LINGO2: variants seen among roughly 807,000 people sequenced by gnomAD.
The protein encoded by LINGO2 is leucine-rich repeat and immunoglobulin-like domain-containing nogo receptor-interacting protein 2.
Under a neutral mutation model 30.6 loss-of-function variants are expected in LINGO2, and 14 were observed. The ratio of observed to expected loss-of-function variants is 0.46; its 90% CI spans 0.30 to 0.72. The LOEUF (loss-of-function observed/expected upper bound fraction) is 0.72, where lower values mean the gene tolerates loss of function less well. Ranked by LOEUF, LINGO2 falls within the 30% of genes least tolerant of loss-of-function variation. The probability of loss-of-function intolerance (pLI) is 0.07; values close to 1 mark genes in which losing one functional copy is unlikely to be tolerated. For missense variants in LINGO2, 729 were observed against 751.7 expected, an observed-to-expected ratio of 0.97 and a Z score of 0.35; for synonymous variants, 317 against 288.5, an observed-to-expected ratio of 1.10 and a Z score of -1.00.
chr9:29,094,262 T>C, the LINGO2 span, among the ~76,000 whole-genome samples: 1 of 138,920 alleles, frequency 7.2e-6, no homozygotes, highest in African/African-American at 2.7e-5. Context: ...ACAGAGGTGA[T>C]TTAACCCTCT....
chr9:29,038,069 C>T, the LINGO2 span, among the ~76,000 whole-genome samples: 1,364 of 151,964 alleles, frequency 9.0e-3, 21 homozygotes, highest in African/African-American at 0.031. Context: ...TTGAATATTA[C>T]AAAAGATGTT....
At chr9:28,682,814 T>C in the LINGO2 span, among the ~76,000 whole-genome samples, 1 of 152,166 alleles carries the variant, frequency 6.6e-6, no homozygotes, top group Non-Finnish European at 1.5e-5. Flanking sequence ...AGTTAAATAA[T>C]AGGAAGAATT....
At chr9:28,371,161 C>G (rs907802404) in intron 3 of LINGO2, among the ~76,000 whole-genome samples, 1 of 152,108 alleles carries the variant, frequency 6.6e-6, no homozygotes, top group Non-Finnish European at 1.5e-5. Context: ...TTTTTAATTT[C>G]TCCATAAGGA....
At chr9:29,024,129 C>T in the LINGO2 span, among the ~76,000 whole-genome samples, 1 of 152,078 alleles carries the variant, frequency 6.6e-6, no homozygotes, top group African/African-American at 2.4e-5. Context: ...TTTAAACCGC[C>T]CTCTACATTG....
chr9:28,270,958 C>G (rs1448443711), intron 4 of LINGO2, among the ~76,000 whole-genome samples: 1 of 152,010 alleles, frequency 6.6e-6, no homozygotes, highest in Non-Finnish European at 1.5e-5. Flanking sequence ...CTATTAACAT[C>G]TTCAGCCTAT....
intron 2 of LINGO2, among the ~76,000 whole-genome samples, chr9:28,432,360 A>C (rs1048817114): frequency 2.6e-5 from 4 of 151,830 alleles, no homozygotes; most frequent in South Asian, 2.1e-4. Flanking sequence ...TCAACAAATA[A>C]TTTTTCCCAA....
At chr9:28,240,400 A>G (rs1427101245) in intron 4 of LINGO2, among the ~76,000 whole-genome samples, 1 of 152,154 alleles carries the variant, frequency 6.6e-6, no homozygotes, top group Non-Finnish European at 1.5e-5. Flanking sequence ...ATAGTAACCA[A>G]AACAGCATGG....
chr9:28,361,606 A>T (rs1221130971), intron 3 of LINGO2, among the ~76,000 whole-genome samples: 2 of 152,108 alleles, frequency 1.3e-5, no homozygotes, highest in Admixed American at 6.6e-5. Context: ...CACCTAATCT[A>T]TCTGGAGCAG....
At chr9:29,178,163 C>T in the LINGO2 span, among the ~76,000 whole-genome samples, 1 of 151,932 alleles carries the variant, frequency 6.6e-6, no homozygotes, top group Non-Finnish European at 1.5e-5. Context: ...CCAAGTAATT[C>T]TCCCACCTCA....
At position 28,148,645 on chromosome 9, in the gene LINGO2, C is replaced by T; in HGVS notation, c.-86-136240G>A. 1 of 1,531,368 alleles carries T rather than the reference C, an allele frequency of 6.5e-7. No homozygotes were observed. Among genetic ancestry groups the T allele is most frequent in the Non-Finnish European group, 8.7e-7 (1 of 1,143,934 alleles). The allele number at this position is 1,531,368 out of a possible 1,614,324, so 94.9% of individuals were successfully genotyped here. A position where few individuals can be genotyped will look rare whatever the true frequency, so the allele number is the denominator to read the frequency against. Reference sequence around the variant, plus strand: ...ACCTCAAGAGCTTGACAGAAAACAACCAGACTGACAAGGCCCAGGTGCCTG... The same window carrying T: ...ACCTCAAGAGCTTGACAGAAAACAATCAGACTGACAAGGCCCAGGTGCCTG... On this transcript the variant is annotated intron_variant, in intron 4 of 5. Coordinates refer to ENST00000379992, the Ensembl canonical transcript of LINGO2. The surrounding 1 kb of genome is among the most constrained non-coding windows in gnomAD (Gnocchi z 5.1).
intron 4 of LINGO2, among the ~76,000 whole-genome samples, chr9:28,031,734 G>C (rs1823682921): frequency 6.6e-6 from 1 of 152,156 alleles, no homozygotes; most frequent in African/African-American, 2.4e-5. Context: ...GAATACCTGG[G>C]AGACCTCTGC....
At chr9:28,981,980 A>G in the LINGO2 span, among the ~76,000 whole-genome samples, 1 of 152,130 alleles carries the variant, frequency 6.6e-6, no homozygotes, top group Admixed American at 6.6e-5. Context: ...TAAGTGTTAC[A>G]GCAGAGAAAT....
chr9:29,213,494 C>A, the LINGO2 span, among the ~76,000 whole-genome samples: 1 of 152,030 alleles, frequency 6.6e-6, no homozygotes, highest in African/African-American at 2.4e-5. Flanking sequence ...GGGCGGCGGG[C>A]GGCGGCGCCA....
the LINGO2 span, among the ~76,000 whole-genome samples, chr9:28,910,176 T>C: frequency 6.6e-6 from 1 of 152,024 alleles, no homozygotes; most frequent in African/African-American, 2.4e-5. Flanking sequence ...GTACTCTGAG[T>C]AATACTATAT....
At chr9:28,803,575 T>A in the LINGO2 span, among the ~76,000 whole-genome samples, 1 of 151,966 alleles carries the variant, frequency 6.6e-6, no homozygotes, top group African/African-American at 2.4e-5. Flanking sequence ...TCATACCATG[T>A]AAAATCACGA....
the LINGO2 span, among the ~76,000 whole-genome samples, chr9:28,885,173 G>A: frequency 6.7e-6 from 1 of 148,326 alleles, no homozygotes; most frequent in Non-Finnish European, 1.5e-5. Flanking sequence ...CATGTGGGTA[G>A]GAGGGACACA....
intron 5 of LINGO2, among the ~76,000 whole-genome samples, chr9:27,976,625 G>A (rs1221126168): frequency 6.6e-6 from 1 of 151,970 alleles, no homozygotes; most frequent in Non-Finnish European, 1.5e-5. Flanking sequence ...TAAGACATGT[G>A]CCCAATGTCG....
the LINGO2 span, among the ~76,000 whole-genome samples, chr9:28,977,974 AGAAC>A: frequency 6.6e-6 from 1 of 152,178 alleles, no homozygotes; most frequent in Non-Finnish European, 1.5e-5. Context: ...CCATAATCAC[AGAAC>A]TGGGAAGCCA....
the LINGO2 span, among the ~76,000 whole-genome samples, chr9:29,034,900 G>A: frequency 6.6e-6 from 1 of 152,114 alleles, no homozygotes; most frequent in African/African-American, 2.4e-5. Flanking sequence ...AAACATTCAT[G>A]TGAACTTTTT....
Sources: gnomAD v4.1 joint callset for allele counts (sites outside exome capture counted in the v4.1 genomes callset) on GRCh38, gnomAD v4.1.1 for gene constraint, Gnocchi (gnomAD v3.1) non-coding constraint, MANE v1.5 for transcripts, NCBI Gene and HGNC (gene_info 2026-07-23, HGNC 2026-07-21) for gene names.